The following RBFOX1 variants were observed in gnomAD, a reference collection of about 807,000 sequenced individuals.
RBFOX1 encodes the protein RNA binding fox-1 homolog 1.
In RBFOX1, 8 loss-of-function variants were observed where a neutral mutation model predicts 57.7. The ratio of observed to expected loss-of-function variants is 0.14; its 90% CI spans 0.08 to 0.25. RBFOX1 has a LOEUF of 0.25. RBFOX1 is among the 10% of genes least tolerant of loss of function. The probability of loss-of-function intolerance (pLI) is 1.00; values close to 1 mark genes in which losing one functional copy is unlikely to be tolerated. For synonymous variants in RBFOX1, 326 were observed against 222.4 expected, an observed-to-expected ratio of 1.47 and a Z score of -4.15; for missense variants, 611 against 548.5, an observed-to-expected ratio of 1.11 and a Z score of -1.14.
At chr16:6,799,229 T>C (rs138235592) in intron 3 of RBFOX1, among the ~76,000 whole-genome samples, 1,941 of 152,182 alleles carry the variant, frequency 0.013, 48 homozygotes, top group African/African-American at 0.044. Context: ...TGCACAGCAA[T>C]ATGGCTGCTC....
chr16:6,537,257 C>T (rs571514003), intron 2 of RBFOX1, among the ~76,000 whole-genome samples: 1 of 151,884 alleles, frequency 6.6e-6, no homozygotes, highest in Non-Finnish European at 1.5e-5. Context: ...GGTTCGTGCA[C>T]CAGAATATGA....
intron 3 of RBFOX1, among the ~76,000 whole-genome samples, chr16:7,030,097 A>T (rs1481732331): frequency 6.6e-6 from 1 of 152,208 alleles, no homozygotes; most frequent in African/African-American, 2.4e-5. Flanking sequence ...ATTGGTGCCA[A>T]AAATTATAAT....
At position 7,042,883 on chromosome 16, in the gene RBFOX1, G is replaced by A. The variant is rs187593990; in HGVS notation, c.-15-9174G>A. ...GGAGGTTTCAGTGAGCTGAGATTGCGCCACTGCACTCCAGCCTGGGTGACA... is the reference window on the plus strand; with the variant it reads ...GGAGGTTTCAGTGAGCTGAGATTGCACCACTGCACTCCAGCCTGGGTGACA... On this transcript the variant is annotated intron_variant, in intron 3 of 15. Transcript: ENST00000550418. Among the ~76,000 whole-genome samples the A allele has an allele frequency of 1.5e-3, 234 of 152,256 alleles. 1 individual carries two copies. The highest frequency in any genetic ancestry group is 4.4e-3 in the African/African-American group (182 of 41,544).
chr16:7,285,378 T>TTG (rs113808623), intron 4 of RBFOX1, among the ~76,000 whole-genome samples: 5,372 of 147,602 alleles, frequency 0.036, 101 homozygotes, highest in African/African-American at 0.068. Context: ...CTTGCATTAA[T>TTG]TGTGTGTGTG....
At chr16:5,824,569 C>T (rs535364710) in intron 3 of RBFOX1, among the ~76,000 whole-genome samples, 72 of 152,324 alleles carry the variant, frequency 4.7e-4, no homozygotes, top group African/African-American at 1.7e-3. Context: ...TTTCCCTCCT[C>T]CTGTCTGGCT....
intron 2 of RBFOX1, among the ~76,000 whole-genome samples, chr16:5,493,693 C>T (rs939522672): frequency 6.6e-6 from 1 of 152,170 alleles, no homozygotes; most frequent in Non-Finnish European, 1.5e-5. Context: ...GAGGCCATGC[C>T]GAGTGTTGAC....
chr16:5,861,922 G>T (rs549990706), intron 3 of RBFOX1, among the ~76,000 whole-genome samples: 5 of 152,258 alleles, frequency 3.3e-5, no homozygotes, highest in African/African-American at 1.2e-4. Flanking sequence ...GCTGCCTGTG[G>T]GGGGAATGGA....
intron 4 of RBFOX1, among the ~76,000 whole-genome samples, chr16:7,327,175 A>C (rs2096622472): frequency 6.6e-6 from 1 of 152,194 alleles, no homozygotes; most frequent in Non-Finnish European, 1.5e-5. Context: ...CATTTGACTT[A>C]GGCCAACAAG....
chr16:6,422,715 T>G (rs1053355289), intron 2 of RBFOX1, among the ~76,000 whole-genome samples: 3 of 152,144 alleles, frequency 2.0e-5, no homozygotes, highest in African/African-American at 7.2e-5. Context: ...TCAGGGGAAC[T>G]CTTTCACTAG....
intron 4 of RBFOX1, among the ~76,000 whole-genome samples, chr16:7,449,836 G>A (rs1231088691): frequency 6.6e-6 from 1 of 151,414 alleles, no homozygotes; most frequent in African/African-American, 2.4e-5. Context: ...AGGGTAAAGT[G>A]TTCTTCCCAT....
chr16:7,205,522 A>G (rs1448509059), intron 4 of RBFOX1, among the ~76,000 whole-genome samples: 1 of 151,862 alleles, frequency 6.6e-6, no homozygotes, highest in Non-Finnish European at 1.5e-5. Flanking sequence ...CAGGAAAAAA[A>G]AAAAAAGAAA....
Position 5,786,758 on chromosome 16 carries a change from A to T in RBFOX1, c.319-80545A>T, listed in dbSNP as rs573996952. Among the ~76,000 whole-genome samples, 7 of 152,320 alleles carry T rather than the reference A, an allele frequency of 4.6e-5. No individual in the cohort carries two copies. In the South Asian group the frequency reaches 1.4e-3, roughly 32 times the overall value. ...TTTCACATTTGACTGGCTTCATGTCAGACTCTTAATGAGATGACAGTGAGA... is the reference window on the plus strand; with the variant it reads ...TTTCACATTTGACTGGCTTCATGTCTGACTCTTAATGAGATGACAGTGAGA... On this transcript the variant is annotated intron_variant, in intron 3 of 19. Coordinates refer to the RBFOX1 transcript ENST00000641259.
intron 1 of RBFOX1, among the ~76,000 whole-genome samples, chr16:6,113,923 A>G (rs1199945411): frequency 6.6e-6 from 1 of 152,204 alleles, no homozygotes; most frequent in East Asian, 1.9e-4. Context: ...TTTCATTATT[A>G]CGATCTGATA....
At chr16:6,520,176 C>T (rs556342911) in intron 2 of RBFOX1, among the ~76,000 whole-genome samples, 206 of 152,292 alleles carry the variant, frequency 1.4e-3, no homozygotes, top group African/African-American at 4.8e-3. Context: ...AACATTTCTT[C>T]TCTAAATTAA....
chr16:6,354,945 A>G (rs1293542375), intron 2 of RBFOX1, among the ~76,000 whole-genome samples: 1 of 152,074 alleles, frequency 6.6e-6, no homozygotes, highest in Non-Finnish European at 1.5e-5. Context: ...TGCTCTGCAG[A>G]TATTTGTCCT....
At chr16:5,790,780 C>G (rs1235139894) in intron 3 of RBFOX1, among the ~76,000 whole-genome samples, 1 of 152,050 alleles carries the variant, frequency 6.6e-6, no homozygotes, top group Admixed American at 6.6e-5. Flanking sequence ...CTCATTTGGC[C>G]TTACAGGACC....
intron 4 of RBFOX1, among the ~76,000 whole-genome samples, chr16:7,355,598 T>C (rs1176697377): frequency 6.6e-6 from 1 of 152,214 alleles, no homozygotes. Flanking sequence ...TCTAACAGCA[T>C]GTTTTGGCCA....
intron 4 of RBFOX1, among the ~76,000 whole-genome samples, chr16:7,473,499 A>T (rs997461588): frequency 6.7e-6 from 1 of 148,238 alleles, no homozygotes; most frequent in East Asian, 1.9e-4. Context: ...ATGTTTATAT[A>T]TGTACATATG....
At chr16:6,658,694 G>T (rs1445514917) in intron 3 of RBFOX1, among the ~76,000 whole-genome samples, 1 of 152,108 alleles carries the variant, frequency 6.6e-6, no homozygotes, top group Non-Finnish European at 1.5e-5. Context: ...GGAAAACCTT[G>T]CCTGGCTGTT....
Sources: allele counts gnomAD v4.1 joint callset (sites outside exome capture counted in the v4.1 genomes callset), GRCh38; gene constraint gnomAD v4.1.1; transcripts MANE v1.5; gene names NCBI Gene and HGNC (gene_info 2026-07-23, HGNC 2026-07-21).